AVEN: variants seen among roughly 807,000 people sequenced by gnomAD.
AVEN encodes apoptosis and caspase activation inhibitor.
A neutral mutation model predicts 38.1 loss-of-function variants in AVEN; 41 were observed. The observed-to-expected ratio is 1.08, with a 90% CI of 0.84 to 1.40. AVEN has a LOEUF of 1.40. AVEN is among the 40% of genes most tolerant of loss of function. The pLI is 0.00. For synonymous variants in AVEN, 206 were observed against 171.8 expected (o/e 1.20, Z -1.56); for missense variants, 605 against 438.8 (o/e 1.38, Z -3.38).
chr15:34,053,318 A>AGT (rs1209550558), intron 5 of AVEN, among the ~76,000 whole-genome samples: 1 of 101,986 alleles, frequency 9.8e-6, no homozygotes, highest in Admixed American at 1.2e-4. Context: ...AAAAAAAAAA[A>AGT]AATATATATA....
At chr15:33,948,018 A>T (rs1698905045) in intron 2 of AVEN, among the ~76,000 whole-genome samples, 1 of 152,212 alleles carries the variant, frequency 6.6e-6, no homozygotes, top group Non-Finnish European at 1.5e-5. Context: ...ATATACAATT[A>T]GATCTTCATC....
chr15:33,854,262 C>G (rs765799939), downstream of AVEN: 20 of 701,256 alleles, frequency 2.9e-5, no homozygotes, highest in Middle Eastern at 6.4e-4. Context: ...GCACATACAA[C>G]TTGATAAAGC....
chr15:33,924,163 T>G (rs1185376491), intron 2 of AVEN, among the ~76,000 whole-genome samples: 2 of 151,988 alleles, frequency 1.3e-5, no homozygotes, highest in African/African-American at 4.8e-5. Context: ...ATAGTATTTC[T>G]GTCTCCACTA....
chr15:33,972,843 C>A (rs1895700562), intron 2 of AVEN, among the ~76,000 whole-genome samples: 1 of 152,186 alleles, frequency 6.6e-6, no homozygotes, highest in Non-Finnish European at 1.5e-5. Flanking sequence ...TCATTTGTGA[C>A]TGACCCTCCT....
intron 2 of AVEN, among the ~76,000 whole-genome samples, chr15:33,886,627 T>G (rs1397866399): frequency 6.6e-6 from 1 of 152,196 alleles, no homozygotes; most frequent in Non-Finnish European, 1.5e-5. Flanking sequence ...TTCTCTCTCC[T>G]GCCACCTTGT....
rs761228736 is a variant in AVEN, at chr15:34,005,370, G to A, written c.268-2161C>T. 5.3e-5 allele frequency among the ~76,000 whole-genome samples: 8 copies of A among 152,120 alleles called. No individual in the cohort carries two copies. The East Asian group carries it at 1.4e-3, about 26-fold the overall frequency. On this transcript the variant is annotated intron_variant, in intron 1 of 5. Coordinates refer to ENST00000306730, the MANE Select transcript of AVEN (RefSeq NM_020371.3). The stretch of plus-strand genomic sequence containing the variant: ...AATCTAGCACAGTCCCTATTTTTAC[G>A]ACCCTGACTTATTGACAAGGCCAGG...
At chr15:34,073,122 G>T (rs1024942479) in intron 1 of AVEN, among the ~76,000 whole-genome samples, 2 of 149,232 alleles carry the variant, frequency 1.3e-5, no homozygotes, top group South Asian at 2.1e-4. Flanking sequence ...CTCACTGCAA[G>T]CTCCACCTCC....
rs1437199942 is a variant in AVEN, at chr15:34,003,116, A to G, written c.361T>C (p.Tyr121His). The G allele has an allele frequency of 1.9e-6, 3 of 1,613,834 alleles. No individual in the cohort carries two copies. The Admixed American group carries it at 5.0e-5, about 27-fold the overall frequency. ...TTGACCTCTTTTTCAATATCTTGAT[A>G]TCGATCCCAGTTAGAGACAATCTTT... The part of the protein sequence containing the change: ...KRKIVSNWDR[Y>H]QDIEKEVNNE... Residue 121 changes from tyrosine (Y) to histidine (H), a missense_variant, in exon 2 of 6, where the codon TAT becomes CAT. Physicochemically the swap from Tyr to His is moderately conservative, Grantham distance 83. Transcript: ENST00000306730.
intron 1 of AVEN, among the ~76,000 whole-genome samples, chr15:34,005,552 A>G (rs1897305948): frequency 6.6e-6 from 1 of 152,232 alleles, no homozygotes; most frequent in Admixed American, 6.5e-5. Context: ...GTTACAGCAC[A>G]TAAGATGGCT....
At chr15:34,024,758 G>A (rs1258748473) in intron 1 of AVEN, among the ~76,000 whole-genome samples, 1 of 151,722 alleles carries the variant, frequency 6.6e-6, no homozygotes, top group African/African-American at 2.4e-5. Context: ...CTACTCAGGA[G>A]GCTGAGGCAG....
chr15:33,932,866 A>AAATAAATAAAT (rs1567420182), intron 2 of AVEN, among the ~76,000 whole-genome samples: 30 of 54,630 alleles, frequency 5.5e-4, no homozygotes, highest in South Asian at 1.2e-3. Context: ...AATAAATAAA[A>AAATAAATAAAT]ATTGTAGATC....
At chr15:34,038,108 T>C (rs1194368793) in intron 1 of AVEN, among the ~76,000 whole-genome samples, 2 of 152,304 alleles carry the variant, frequency 1.3e-5, no homozygotes, top group South Asian at 2.1e-4. Flanking sequence ...AACTCAGAAC[T>C]TGACTGCTCA....
rs184963356 is a variant in AVEN at position 34,014,146 on chromosome 15, T to C, written c.268-10937A>G. Among the ~76,000 whole-genome samples, 31 of 152,162 alleles carry C rather than the reference T, an allele frequency of 2.0e-4. No individual in the cohort carries two copies. The East Asian group carries it at 5.8e-3, about 29-fold the overall frequency. The stretch of plus-strand genomic sequence containing the variant: ...GGGAGGCCAACATGGGCGGATCACC[T>C]GAGGTCAGGAATTTGAGACCAGCCT... On this transcript the variant is annotated intron_variant, in intron 1 of 5. Coordinates refer to ENST00000306730, the MANE Select transcript of AVEN (RefSeq NM_020371.3).
At chr15:33,912,668 G>C (rs1475376318) in intron 2 of AVEN, among the ~76,000 whole-genome samples, 1 of 152,166 alleles carries the variant, frequency 6.6e-6, no homozygotes, top group Non-Finnish European at 1.5e-5. Context: ...TTTTAGGGAT[G>C]AGCTTGTCTT....
intron 3 of AVEN, chr15:34,066,259 C>A (rs1006378545): frequency 1.3e-5 from 2 of 152,232 alleles, no homozygotes; most frequent in Non-Finnish European, 2.9e-5. Flanking sequence ...CATGAGCAAA[C>A]CTGCTCTACC....
At chr15:34,059,755 C>T (rs754153360) in intron 5 of AVEN, among the ~76,000 whole-genome samples, 1 of 152,116 alleles carries the variant, frequency 6.6e-6, no homozygotes, top group Non-Finnish European at 1.5e-5. Flanking sequence ...CTTCAAGTCT[C>T]GACTCTTAGG....
intron 1 of AVEN, among the ~76,000 whole-genome samples, chr15:34,030,575 G>A (rs1212147821): frequency 2.6e-5 from 4 of 151,848 alleles, no homozygotes; most frequent in East Asian, 1.9e-4. Context: ...TGATCCACCC[G>A]CCTCAGCCTC....
chr15:34,004,081 C>A (rs894287232), intron 1 of AVEN, among the ~76,000 whole-genome samples: 12 of 152,026 alleles, frequency 7.9e-5, no homozygotes, highest in African/African-American at 2.9e-4. Context: ...GTTCAGGTAG[C>A]GTCTGTGTGA....
chr15:33,865,913 A>C (rs1202007974), downstream of AVEN: 1 of 152,742 alleles, frequency 6.5e-6, no homozygotes, highest in Non-Finnish European at 1.5e-5. Flanking sequence ...TTTTTTTAGT[A>C]ACAGCTGTCA....
Sources: allele counts gnomAD v4.1 joint callset (sites outside exome capture counted in the v4.1 genomes callset), GRCh38; gene constraint gnomAD v4.1.1; transcripts MANE v1.5; gene names NCBI Gene and HGNC (gene_info 2026-07-23, HGNC 2026-07-21).